GLI2: variants seen among roughly 807,000 people sequenced by gnomAD.
GLI2 encodes the protein GLI family zinc finger 2, also known as transcription activator GLI2.
GLI2 carries 22 observed loss-of-function variants against 78.9 expected under a neutral mutation model. The ratio of observed to expected loss-of-function variants is 0.28; its 90% confidence interval spans 0.20 to 0.40. The LOEUF (loss-of-function observed/expected upper bound fraction) is 0.40. Among genes scored for constraint, GLI2 ranks in the 10% least tolerant of loss-of-function variants. The pLI is 1.00. For missense variants in GLI2, 2,097 were observed against 2,213.2 expected, an observed-to-expected ratio of 0.95 and a Z score of 1.05; for synonymous variants, 974 against 963.7, an observed-to-expected ratio of 1.01 and a Z score of -0.20.
At chr2:120,912,622 C>A (rs7578939) in intron 2 of GLI2, among the ~76,000 whole-genome samples, 3,074 of 152,284 alleles carry the variant, frequency 0.02, 112 homozygotes, top group African/African-American at 0.069. Flanking sequence ...CAGAATCACA[C>A]GGGCAGGGAG....
At chr2:120,939,141 G>T (rs1454447904) in intron 3 of GLI2, among the ~76,000 whole-genome samples, 1 of 152,122 alleles carries the variant, frequency 6.6e-6, no homozygotes, top group Non-Finnish European at 1.5e-5. Flanking sequence ...AATTAGCCAG[G>T]CGTGGTGGTG....
At chr2:120,764,813 G>A (rs911763749) in intron 1 of GLI2, among the ~76,000 whole-genome samples, 3 of 152,180 alleles carry the variant, frequency 2.0e-5, no homozygotes, top group Admixed American at 6.5e-5. Flanking sequence ...TTCACATAAC[G>A]TGGAACATCT....
chr2:120,855,712 C>T (rs1687613653), intron 2 of GLI2, among the ~76,000 whole-genome samples: 1 of 152,202 alleles, frequency 6.6e-6, no homozygotes, highest in Non-Finnish European at 1.5e-5. Context: ...AATCCTCCAA[C>T]AGCCCTGGTA....
Position 120,989,433 on chromosome 2 carries a change from G to A in GLI2, c.3468G>A (p.Val1156=), listed in dbSNP as rs764853095. The change falls in exon 14 of 14, where the codon GTG becomes GTA. Residue 1156 remains valine (V), a synonymous_variant. Transcript: ENST00000361492. ...CCTTTCCTCAGGGCAACCTGGCGGT[G>A]GTGCAGCAGAAGCCTGCCTTTGGCC... ...PPPFPQGNLA[V]VQQKPAFGQY... The A allele has an allele frequency of 1.9e-6, 3 of 1,612,970 alleles. No individual in the cohort carries two copies. Among genetic ancestry groups the A allele is most frequent in the Admixed American group, 3.3e-5 (2 of 60,008 alleles).
At chr2:120,745,995 C>A (rs2104626465) in intron 1 of GLI2, among the ~76,000 whole-genome samples, 1 of 152,322 alleles carries the variant, frequency 6.6e-6, no homozygotes, top group South Asian at 2.1e-4. Flanking sequence ...GTGTGCAAGA[C>A]CTGGGTGCCA....
intron 10 of GLI2, among the ~76,000 whole-genome samples, chr2:120,980,132 A>G (rs914371302): frequency 6.6e-6 from 1 of 152,218 alleles, no homozygotes; most frequent in Non-Finnish European, 1.5e-5. Context: ...ATATGGACAG[A>G]ACGTTTTCAC....
intron 1 of GLI2, among the ~76,000 whole-genome samples, chr2:120,747,993 C>T (rs1682741507): frequency 6.6e-6 from 1 of 152,238 alleles, no homozygotes; most frequent in African/African-American, 2.4e-5. Flanking sequence ...TTATTAAGCT[C>T]ACGGCTGTAG....
intron 13 of GLI2, among the ~76,000 whole-genome samples, chr2:120,987,258 A>C (rs1322864600): frequency 3.9e-5 from 6 of 152,278 alleles, no homozygotes; most frequent in Middle Eastern, 6.8e-3. Context: ...CACTGTGGTC[A>C]ACACTGATGT....
chr2:120,737,526 C>T lies in GLI2; in HGVS notation c.-31+1241C>T, dbSNP rs1682406554. On this transcript the variant is annotated intron_variant, in intron 1 of 13. Transcript: ENST00000361492. The surrounding 1 kb of genome is among the most constrained non-coding windows in gnomAD (Gnocchi z 4.3). ...TGTCCCTACTGTCTGGTCCCGCGCC[C>T]TGGGAGTCTTGTAGGCGTCCCTCTG... Among the ~76,000 whole-genome samples the T allele has an allele frequency of 6.6e-6, 1 of 152,178 alleles. No individual in the cohort carries two copies. Among genetic ancestry groups the T allele is most frequent in the African/African-American group, 2.4e-5 (1 of 41,436 alleles).
chr2:120,832,874 G>A (rs1279668930), intron 2 of GLI2, among the ~76,000 whole-genome samples: 1 of 152,122 alleles, frequency 6.6e-6, no homozygotes, highest in Non-Finnish European at 1.5e-5. Flanking sequence ...GTGGCTCAGG[G>A]GCTCTGCTGG....
At chr2:120,953,924 G>A (rs887360895) in intron 4 of GLI2, among the ~76,000 whole-genome samples, 66 of 152,278 alleles carry the variant, frequency 4.3e-4, no homozygotes, top group Non-Finnish European at 6.3e-4. Context: ...TTCGACGGAT[G>A]GAGTGCCATG....
chr2:120,843,047 A>G (rs939594185), intron 2 of GLI2, among the ~76,000 whole-genome samples: 2 of 152,194 alleles, frequency 1.3e-5, no homozygotes, highest in African/African-American at 4.8e-5. Context: ...TGAGCATCAC[A>G]TTTGGTAGAG....
At chr2:120,985,852 C>G (rs934864868) in intron 12 of GLI2, among the ~76,000 whole-genome samples, 1 of 152,224 alleles carries the variant, frequency 6.6e-6, no homozygotes, top group Non-Finnish European at 1.5e-5. Context: ...TTTCCCTTTC[C>G]CACAACCTGC....
chr2:120,753,131 G>C (rs1049981849), intron 1 of GLI2, among the ~76,000 whole-genome samples: 1 of 121,312 alleles, frequency 8.2e-6, no homozygotes, highest in Non-Finnish European at 1.6e-5. Flanking sequence ...GTCTCGCTCT[G>C]TTGCCCAGTC....
intron 3 of GLI2, among the ~76,000 whole-genome samples, chr2:120,933,851 GCCCTGCCCTGCCCTGCCCTGC>G (rs1680063374): frequency 8.4e-6 from 1 of 118,864 alleles, no homozygotes; most frequent in African/African-American, 3.4e-5. Flanking sequence ...GCCCTGCCCT[GCCCTGCCCTGCCCTGCCCTGC>G]CCTGCCCTGC....
chr2:120,951,045 G>C (rs1680958439), intron 3 of GLI2, among the ~76,000 whole-genome samples, 198 bp from the exon 4 acceptor site: 1 of 152,252 alleles, frequency 6.6e-6, no homozygotes, highest in Admixed American at 6.5e-5. Context: ...CTTTCACTCT[G>C]CATTCACTGA....
At chr2:120,788,026 G>GGCA (rs1684045906) in intron 1 of GLI2, among the ~76,000 whole-genome samples, 1 of 152,198 alleles carries the variant, frequency 6.6e-6, no homozygotes, top group Non-Finnish European at 1.5e-5. Context: ...ACTGCTCAGG[G>GGCA]GCAGGCCTTC....
chr2:120,862,184 G>T (rs546618256), intron 2 of GLI2, among the ~76,000 whole-genome samples: 17 of 152,320 alleles, frequency 1.1e-4, no homozygotes, highest in African/African-American at 3.8e-4. Flanking sequence ...GGAAATTATC[G>T]CATAGAGGGC....
intron 3 of GLI2, among the ~76,000 whole-genome samples, chr2:120,946,793 C>T (rs1275243928): frequency 2.0e-5 from 3 of 152,200 alleles, no homozygotes; most frequent in South Asian, 2.1e-4. Flanking sequence ...GAAAGAGGGG[C>T]ACTGGACCCT....
Sources: allele counts gnomAD v4.1 joint callset (sites outside exome capture counted in the v4.1 genomes callset), GRCh38; gene constraint gnomAD v4.1.1; non-coding constraint Gnocchi (gnomAD v3.1); transcripts MANE v1.5; gene names NCBI Gene and HGNC (gene_info 2026-07-23, HGNC 2026-07-21).